Variants in BCHE observed in about 807,000 individuals in gnomAD.
The protein encoded by BCHE is cholinesterase.
In BCHE, 48 loss-of-function variants were observed where a neutral mutation model predicts 51.3. The ratio of observed to expected loss-of-function variants is 0.94; its 90% CI spans 0.74 to 1.19. The LOEUF (loss-of-function observed/expected upper bound fraction) is 1.19. Among genes scored for constraint, BCHE ranks in the 50% most tolerant of loss-of-function variants. The pLI is 0.00. For synonymous variants in BCHE, 251 were observed against 238.0 expected, an observed-to-expected ratio of 1.05 and a Z score of -0.50; for missense variants, 847 against 708.2, an observed-to-expected ratio of 1.20 and a Z score of -2.23.
chr3:165,828,127 A>G, intron 2 of BCHE: 1 of 451,792 alleles, frequency 2.2e-6, no homozygotes, highest in South Asian at 1.6e-5. Context: ...AGTGAACAAG[A>G]AGTCTGAAGC....
chr3:165,785,026 C>G (rs1712889894), intron 3 of BCHE, among the ~76,000 whole-genome samples: 1 of 151,578 alleles, frequency 6.6e-6, no homozygotes, highest in African/African-American at 2.4e-5. Flanking sequence ...TTTGGTAATA[C>G]ACAGAGCACT....
chr3:165,827,197 T>G (rs901584186), intron 2 of BCHE, among the ~76,000 whole-genome samples: 4 of 152,046 alleles, frequency 2.6e-5, no homozygotes, highest in African/African-American at 9.7e-5. Context: ...ATCAGGATAT[T>G]AACATTATGC....
chr3:165,830,717 C>G lies in BCHE; in HGVS notation c.317G>C (p.Gly106Ala). ...NIDQSFPGFH[G>A]SEMWNPNTDL... ...AGTGTTTGGGTTCCACATCTCTGATCCATGGAAGCCTGGAAAACTTTGATC... is the reference window on the plus strand; with the variant it reads ...AGTGTTTGGGTTCCACATCTCTGATGCATGGAAGCCTGGAAAACTTTGATC... The change falls in exon 2 of 4, where the codon GGA (glycine) becomes GCA (alanine). Residue 106 changes from glycine to alanine, a missense_variant. Gly to Ala is a moderately conservative substitution (Grantham distance 60). Coordinates refer to ENST00000264381, the MANE Select transcript of BCHE (RefSeq NM_000055.4). 6 of 1,613,964 alleles carry G rather than the reference C, an allele frequency of 3.7e-6. No homozygotes were observed. Among genetic ancestry groups the G allele is most frequent in the Non-Finnish European group, 5.1e-6 (6 of 1,179,928 alleles).
rs749805953 is a variant in BCHE at position 165,830,076 on chromosome 3, G to C, written c.958C>G (p.Pro320Ala). Residue 320 changes from proline (P) to alanine (A), a missense_variant, in exon 2 of 4, where the codon CCG (proline) becomes GCG (alanine). Transcript: ENST00000264381. ...YGTPLSVNFG[P>A]TVDGDFLTDM... ...GTGAGAAAATCACCATCCACGGTCG[G>C]ACCAAAGTTTACTGACAAAGGAGTC... 44 of 1,613,536 alleles carry C rather than the reference G, an allele frequency of 2.7e-5. No homozygotes were observed. Among genetic ancestry groups the C allele is most frequent in the Non-Finnish European group, 3.3e-5 (39 of 1,179,804 alleles).
intron 2 of BCHE, among the ~76,000 whole-genome samples, chr3:165,800,788 A>C (rs763776004): frequency 6.6e-6 from 1 of 152,156 alleles, no homozygotes; most frequent in African/African-American, 2.4e-5. Context: ...ATTGCCTGAC[A>C]TGTGCCAGGA....
chr3:165,778,800 T>G, intron 3 of BCHE: 1 of 376,226 alleles, frequency 2.7e-6, no homozygotes, highest in Non-Finnish European at 5.7e-6. Flanking sequence ...TATATTTCTA[T>G]TAGGTATCTT....
intron 3 of BCHE, among the ~76,000 whole-genome samples, chr3:165,780,257 A>T (rs372893435): frequency 6.6e-6 from 1 of 152,214 alleles, no homozygotes. Context: ...ACAAAGATTA[A>T]CTCAAGATGG....
chr3:165,774,288 C>T (rs1024576868), intron 3 of BCHE, among the ~76,000 whole-genome samples: 6 of 151,944 alleles, frequency 3.9e-5, no homozygotes, highest in Non-Finnish European at 8.8e-5. Context: ...TTTTAATTAT[C>T]ATTCCACATA....
At chr3:165,828,211 T>G in intron 2 of BCHE, 1 of 360,778 alleles carries the variant, frequency 2.8e-6, no homozygotes, top group African/African-American at 2.2e-5. Context: ...AAGTAGGACT[T>G]TGTCATTAAA....
intron 1 of BCHE, among the ~76,000 whole-genome samples, chr3:165,833,824 G>T: frequency 6.6e-6 from 1 of 152,024 alleles, no homozygotes; most frequent in Non-Finnish European, 1.5e-5. Flanking sequence ...CCTCTGGGAA[G>T]AAAAAGTGAA....
intron 2 of BCHE, among the ~76,000 whole-genome samples, chr3:165,820,844 A>T (rs965804696): frequency 6.6e-6 from 1 of 152,090 alleles, no homozygotes; most frequent in Non-Finnish European, 1.5e-5. Context: ...AACATTTAAA[A>T]TTACAAGTTT....
rs1330548096 is a variant in BCHE at position 165,830,763 on chromosome 3, T to G, written c.271A>C (p.Asn91His). 1.9e-6 allele frequency: 3 copies of G among 1,613,720 alleles called. No homozygotes were observed. In the South Asian group the frequency reaches 3.3e-5, roughly 18 times the overall value. Residue 91 changes from asparagine to histidine, a missense_variant, in exon 2 of 4, where the codon AAT becomes CAT. Coordinates refer to ENST00000264381, the MANE Select transcript of BCHE (RefSeq NM_000055.4). Reference sequence around the variant, plus strand: ...TGATCTATGTTCTGACAGCAAGAATTTGCATATTTTGTGGCATTCCAAATA... The same window carrying G: ...TGATCTATGTTCTGACAGCAAGAATGTGCATATTTTGTGGCATTCCAAATA... ...SDIWNATKYA[N>H]SCCQNIDQSF...
chr3:165,830,495 C>A lies in BCHE; in HGVS notation c.539G>T (p.Gly180Val). The change falls in exon 2 of 4, where the codon GGA becomes GTA. Residue 180 changes from glycine (G) to valine (V), a missense_variant. Gly to Val is a moderately radical substitution (Grantham distance 109, BLOSUM62 -3). Transcript: ENST00000264381. ...VSMNYRVGAL[G>V]FLALPGNPEA... ...AGGATTTCCTGGCAAAGCTAAGAATCCTAGGGCACCCACCCTATAGTTCAT... is the reference window on the plus strand; with the variant it reads ...AGGATTTCCTGGCAAAGCTAAGAATACTAGGGCACCCACCCTATAGTTCAT... The A allele has an allele frequency of 6.2e-7, 1 of 1,613,866 alleles. No homozygotes were observed.
intron 2 of BCHE, among the ~76,000 whole-genome samples, chr3:165,791,062 C>A (rs1400173975): frequency 6.6e-6 from 1 of 151,954 alleles, no homozygotes; most frequent in African/African-American, 2.4e-5. Context: ...TTTGGGAGGC[C>A]GAGGTGGGCA....
chr3:165,797,745 A>C (rs1713472898), intron 2 of BCHE, among the ~76,000 whole-genome samples: 1 of 152,152 alleles, frequency 6.6e-6, no homozygotes. Context: ...CTGTGCCATA[A>C]AATTGATGGC....
chr3:165,817,223 G>A (rs1714345045), intron 2 of BCHE, among the ~76,000 whole-genome samples: 1 of 151,922 alleles, frequency 6.6e-6, no homozygotes, highest in South Asian at 2.1e-4. Context: ...TTCCTTCAAA[G>A]TATAACCTGA....
intron 3 of BCHE, among the ~76,000 whole-genome samples, chr3:165,783,992 C>G (rs1712810509): frequency 6.6e-6 from 1 of 151,892 alleles, no homozygotes; most frequent in Non-Finnish European, 1.5e-5. Context: ...ATTTATTGCT[C>G]AAACGTAAAC....
At chr3:165,796,474 G>T (rs1713381568) in intron 2 of BCHE, among the ~76,000 whole-genome samples, 1 of 151,912 alleles carries the variant, frequency 6.6e-6, no homozygotes, top group African/African-American at 2.4e-5. Context: ...TGTTCATATT[G>T]TCAGTCAGTA....
At position 165,780,606 on chromosome 3, in the gene BCHE, G is replaced by A. The variant is rs112233545; in HGVS notation, c.1684+5539C>T. 6.5e-3 allele frequency among the ~76,000 whole-genome samples: 985 copies of A among 152,156 alleles called. 11 individuals are homozygous for A. The highest frequency in any genetic ancestry group is 0.022 in the African/African-American group (929 of 41,512). On this transcript the variant is annotated intron_variant, in intron 3 of 3. Coordinates refer to ENST00000264381, the MANE Select transcript of BCHE (RefSeq NM_000055.4). ...CCATCAAAAAGTGGGCACATAATAC[G>A]AACAGACACTTCTCAAAAGAAGACA...
Sources: gnomAD v4.1 joint callset for allele counts (sites outside exome capture counted in the v4.1 genomes callset) on GRCh38, gnomAD v4.1.1 for gene constraint, MANE v1.5 for transcripts, NCBI Gene and HGNC (gene_info 2026-07-23, HGNC 2026-07-21) for gene names.